SERPINB12: variants seen among roughly 807,000 people sequenced by gnomAD.
SERPINB12 encodes serpin B12.
SERPINB12 carries 57 observed loss-of-function variants against 41.1 expected under a neutral mutation model. The ratio of observed to expected loss-of-function variants is 1.39; its 90% confidence interval spans 1.12 to 1.73. The LOEUF (loss-of-function observed/expected upper bound fraction) is 1.73. Among genes scored for constraint, SERPINB12 ranks in the 40% most tolerant of loss-of-function variants. SERPINB12 has a pLI of 0.00. For synonymous variants in SERPINB12, 180 were observed against 181.3 expected (o/e 0.99, Z 0.06); for missense variants, 536 against 501.9 (o/e 1.07, Z -0.65).
chr18:63,562,737 G>T (rs893405362), intron 5 of SERPINB12, among the ~76,000 whole-genome samples: 2 of 152,166 alleles, frequency 1.3e-5, no homozygotes, highest in Non-Finnish European at 1.5e-5. Flanking sequence ...TTAAGGCCTG[G>T]ATATGTACTT....
chr18:63,558,587 C>T, intron 3 of SERPINB12, 101 bp downstream of exon 3: 1 of 1,263,060 alleles, frequency 7.9e-7, no homozygotes, highest in Non-Finnish European at 1.1e-6. Flanking sequence ...AAATATTAGA[C>T]TCTGGATACC....
chr18:63,559,015 TTTC>T (rs1400673541), intron 3 of SERPINB12, among the ~76,000 whole-genome samples: 4 of 59,890 alleles, frequency 6.7e-5, no homozygotes, highest in African/African-American at 1.9e-4. Flanking sequence ...TCTTTCTTTC[TTTC>T]TTTCTTTCTT....
intron 1 of SERPINB12, among the ~76,000 whole-genome samples, chr18:63,551,303 A>T (rs1910523020): frequency 6.6e-6 from 1 of 152,040 alleles, no homozygotes; most frequent in Non-Finnish European, 1.5e-5. Flanking sequence ...AAAACAAAAA[A>T]AAGAAAGTTT....
chr18:63,561,127 G>GA lies in SERPINB12; in HGVS notation c.490dup (p.Ser164LysfsTer3). On this transcript the variant is annotated frameshift_variant, in exon 5 of 8. Transcript: ENST00000382768. LOFTEE classifies it high-confidence loss of function. ...GATTCAATTTTACCACACGACGATT[G>GA]AAAGTGTTGATTTCCAAAAAAACCC... The GA allele has an allele frequency of 6.2e-7, 1 of 1,613,208 alleles. No homozygotes were observed. Among genetic ancestry groups the GA allele is most frequent in the Non-Finnish European group, 8.5e-7 (1 of 1,179,248 alleles).
chr18:63,560,922 A>T (rs1380239644), intron 4 of SERPINB12, among the ~76,000 whole-genome samples, 163 bp from the exon 5 acceptor site: 1 of 152,232 alleles, frequency 6.6e-6, no homozygotes, highest in Non-Finnish European at 1.5e-5. Context: ...GTCTCTGGCT[A>T]GTTTAAGACT....
At chr18:63,537,161 T>G in the SERPINB12 span, among the ~76,000 whole-genome samples, 1 of 152,196 alleles carries the variant, frequency 6.6e-6, no homozygotes, top group East Asian at 1.9e-4. Context: ...AACTAGTACA[T>G]ATCTACATCA....
chr18:63,539,514 G>A (rs1229822491), upstream of SERPINB12, among the ~76,000 whole-genome samples: 2 of 151,986 alleles, frequency 1.3e-5, no homozygotes, highest in Non-Finnish European at 2.9e-5. Context: ...TTGTTTCTTG[G>A]GTCTCGGTCA....
the SERPINB12 span, among the ~76,000 whole-genome samples, chr18:63,532,194 A>C: frequency 6.6e-6 from 1 of 152,126 alleles, no homozygotes; most frequent in African/African-American, 2.4e-5. Flanking sequence ...ATAGGACACA[A>C]TCATACATTT....
intron 1 of SERPINB12, among the ~76,000 whole-genome samples, 171 bp downstream of exon 1, chr18:63,542,663 A>C (rs8099267): frequency 0.05 from 7,625 of 152,180 alleles, 632 homozygotes; most frequent in African/African-American, 0.17. Flanking sequence ...ATTTTAGGTC[A>C]GGGTGTATGT....
At position 63,556,271 on chromosome 18, in the gene SERPINB12, G is replaced by C. The variant is rs372102537; in HGVS notation, c.112G>C (p.Ala38Pro). The C allele has an allele frequency of 1.3e-5, 21 of 1,613,994 alleles. No individual in the cohort carries two copies. The highest frequency in any genetic ancestry group is 4.5e-5 in the East Asian group (2 of 44,898). The change falls in exon 2 of 8, where the codon GCC becomes CCC. Residue 38 changes from alanine (A) to proline (P), a missense_variant. Physicochemically the swap from Ala to Pro is conservative, Grantham distance 27. Coordinates refer to ENST00000382768, the MANE Select transcript of SERPINB12 (RefSeq NM_001307928.2). The stretch of plus-strand genomic sequence containing the variant: ...TTTCTCTCCCCTGAGCCTCTCAGCT[G>C]CCCTTGGTATGGTACGCTTGGGTGC... ...IFFSPLSLSAALGMVRLGARS... is the reference protein window; with the variant it reads ...IFFSPLSLSAPLGMVRLGARS...
the SERPINB12 span, among the ~76,000 whole-genome samples, chr18:63,535,645 A>G: frequency 6.6e-6 from 1 of 152,180 alleles, no homozygotes; most frequent in East Asian, 1.9e-4. Context: ...CATAAAAGAC[A>G]TTTTTGGGAT....
chr18:63,564,036 G>T lies in SERPINB12; in HGVS notation c.621G>T (p.Leu207=), dbSNP rs746723101. ...DAINAETVLV[L]VNAVYFKAKW... ...TTAATGCTGAGACTGTGCTGGTACT[G>T]GTGAATGCTGTTTACTTCAAGGCCA... The change falls in exon 6 of 8, where the codon CTG becomes CTT. Residue 207 remains leucine (L), a synonymous_variant. Coordinates refer to ENST00000382768, the MANE Select transcript of SERPINB12 (RefSeq NM_001307928.2). The T allele has an allele frequency of 6.2e-7, 1 of 1,614,028 alleles. No homozygotes were observed. The highest frequency in any genetic ancestry group is 2.2e-5 in the East Asian group (1 of 44,882).
chr18:63,547,139 C>T lies in SERPINB12; in HGVS notation c.-19+4647C>T, dbSNP rs144295547. Among the ~76,000 whole-genome samples, 293 of 152,340 alleles carry T rather than the reference C, an allele frequency of 1.9e-3. 1 individual carries two copies. Among genetic ancestry groups the T allele is most frequent in the African/African-American group, 6.7e-3 (278 of 41,586 alleles). On this transcript the variant is annotated intron_variant, in intron 1 of 7. Coordinates refer to ENST00000382768, the MANE Select transcript of SERPINB12 (RefSeq NM_001307928.2). ...GATTTTCTGCAGATGTGGCAGTCATCACTGGGAGATATTAACAATGCTTGT... is the reference window on the plus strand; with the variant it reads ...GATTTTCTGCAGATGTGGCAGTCATTACTGGGAGATATTAACAATGCTTGT...
chr18:63,561,508 C>CT (rs1741543297), intron 5 of SERPINB12, among the ~76,000 whole-genome samples: 2 of 152,228 alleles, frequency 1.3e-5, no homozygotes, highest in Admixed American at 6.5e-5. Flanking sequence ...TAAAACAGAG[C>CT]TGTCATTCGA....
At chr18:63,526,849 A>G in the SERPINB12 span, among the ~76,000 whole-genome samples, 2 of 152,192 alleles carry the variant, frequency 1.3e-5, no homozygotes, top group Non-Finnish European at 2.9e-5. Flanking sequence ...AACATCATAG[A>G]GTGTATTTAC....
chr18:63,522,128 A>G, the SERPINB12 span, among the ~76,000 whole-genome samples: 2 of 152,212 alleles, frequency 1.3e-5, no homozygotes, highest in Non-Finnish European at 2.9e-5. Context: ...TTACCTGATC[A>G]TTTACATAGT....
intron 1 of SERPINB12, among the ~76,000 whole-genome samples, chr18:63,552,569 C>T (rs1318241684): frequency 1.3e-5 from 2 of 152,086 alleles, no homozygotes; most frequent in Non-Finnish European, 2.9e-5. Context: ...ACTCTTTTCC[C>T]TTTTCTATTT....
At chr18:63,525,083 C>A in the SERPINB12 span, among the ~76,000 whole-genome samples, 1 of 152,066 alleles carries the variant, frequency 6.6e-6, no homozygotes, top group South Asian at 2.1e-4. Context: ...TGGTTTTTAA[C>A]CTTCGTTACC....
chr18:63,520,354 A>G, the SERPINB12 span, among the ~76,000 whole-genome samples: 1 of 152,160 alleles, frequency 6.6e-6, no homozygotes, highest in Non-Finnish European at 1.5e-5. Flanking sequence ...GGTGGAAGCT[A>G]TTTCTAGGAA....
Sources: gnomAD v4.1 joint callset for allele counts (sites outside exome capture counted in the v4.1 genomes callset) on GRCh38, gnomAD v4.1.1 for gene constraint, MANE v1.5 for transcripts, NCBI Gene and HGNC (gene_info 2026-07-23, HGNC 2026-07-21) for gene names.